The following DNAJC1 variants were observed in gnomAD, a reference collection of about 807,000 sequenced individuals.
The protein encoded by DNAJC1 is dnaJ homolog subfamily C member 1.
DNAJC1 carries 58 observed loss-of-function variants against 76.6 expected under a neutral mutation model. That is an observed-to-expected ratio of 0.76 (90% CI 0.61 to 0.94). DNAJC1 has a LOEUF of 0.94. DNAJC1 is among the 40% of genes least tolerant of loss of function. The pLI is 0.00. For synonymous variants in DNAJC1, 258 were observed against 267.9 expected, an observed-to-expected ratio of 0.96 and a Z score of 0.36; for missense variants, 689 against 677.3, an observed-to-expected ratio of 1.02 and a Z score of -0.19.
intron 8 of DNAJC1, among the ~76,000 whole-genome samples, chr10:21,828,210 C>G (rs569826466): frequency 2.0e-5 from 3 of 152,290 alleles, no homozygotes; most frequent in Non-Finnish European, 4.4e-5. Context: ...GATGGCTGAT[C>G]TAGGCTGGGG....
At chr10:21,791,933 T>C (rs1057324877) in intron 9 of DNAJC1, among the ~76,000 whole-genome samples, 2 of 152,112 alleles carry the variant, frequency 1.3e-5, no homozygotes. Flanking sequence ...AACAAAAAGT[T>C]GATTTTTTGA....
At chr10:21,920,047 G>A in intron 4 of DNAJC1, 118 bp from the exon 5 acceptor site, 1 of 604,450 alleles carries the variant, frequency 1.7e-6, no homozygotes, top group Non-Finnish European at 2.8e-6. Flanking sequence ...AATGTATGTA[G>A]GGTCCAACAT....
chr10:21,758,716 T>A (rs965628928), intron 11 of DNAJC1, among the ~76,000 whole-genome samples: 1 of 152,224 alleles, frequency 6.6e-6, no homozygotes, highest in Admixed American at 6.5e-5. Context: ...ATACCAGCTA[T>A]CCCTTTGGTC....
chr10:21,985,101 C>A (rs1197305472), intron 1 of DNAJC1, among the ~76,000 whole-genome samples: 2 of 152,118 alleles, frequency 1.3e-5, no homozygotes, highest in Non-Finnish European at 2.9e-5. Flanking sequence ...AAAATCCACC[C>A]ATTATAAGAG....
At position 22,003,373 on chromosome 10, in the gene DNAJC1, G is replaced by C. The variant is rs1444253061; in HGVS notation, c.62C>G (p.Pro21Arg). 3 of 1,388,218 alleles carry C rather than the reference G, an allele frequency of 2.2e-6. No individual in the cohort carries two copies. Among genetic ancestry groups the C allele is most frequent in the Admixed American group, 7.6e-5 (2 of 26,420 alleles). 86.0% of individuals were successfully genotyped at this position (1,388,218 alleles called of 1,614,324 possible). ...CGTCCGCGGCGGCGGCGGCGGGAAC[G>C]GCACCAGCCCGAGCTGGCGGCGTCC... ...LPGRRQLGLV[P>R]FPPPPPRTPL... Residue 21 changes from proline to arginine, a missense_variant, in exon 1 of 12, where the codon CCG becomes CGG. Coordinates refer to ENST00000376980, the MANE Select transcript of DNAJC1 (RefSeq NM_022365.4).
intron 1 of DNAJC1, among the ~76,000 whole-genome samples, chr10:22,000,861 T>C (rs916773830): frequency 6.6e-6 from 1 of 152,186 alleles, no homozygotes; most frequent in African/African-American, 2.4e-5. Context: ...TGCCTTAATC[T>C]TGGATTTCCC....
intron 1 of DNAJC1, among the ~76,000 whole-genome samples, chr10:21,966,506 T>C (rs1837891732): frequency 6.6e-6 from 1 of 151,916 alleles, no homozygotes; most frequent in Non-Finnish European, 1.5e-5. Flanking sequence ...AAGCTGTGCC[T>C]TCTCCCCTAC....
At chr10:21,851,348 C>A (rs1359229961) in intron 8 of DNAJC1, among the ~76,000 whole-genome samples, 1 of 151,918 alleles carries the variant, frequency 6.6e-6, no homozygotes. Flanking sequence ...AACAAATGGC[C>A]AAAAAACATG....
At position 21,919,926 on chromosome 10, in the gene DNAJC1, C is replaced by G. The variant is rs533121915; in HGVS notation, c.541G>C (p.Glu181Gln). The G allele has an allele frequency of 6.3e-7, 1 of 1,587,078 alleles. No individual in the cohort carries two copies. Among genetic ancestry groups the G allele is most frequent in the South Asian group, 1.1e-5 (1 of 88,794 alleles). ...WSIYLEKQLD[E>Q]LLSRKKREKK... ...TCTCTCTTTTTTCTACTTAGTAGTT[C>G]ATCCTTAATGTGGAAAGAATTATGG... Residue 181 changes from glutamate to glutamine, a missense_variant, in exon 5 of 12, where the codon GAA becomes CAA. By Grantham distance (29) the Glu-to-Gln change is conservative (BLOSUM62 2). Transcript: ENST00000376980.
intron 6 of DNAJC1, among the ~76,000 whole-genome samples, chr10:21,907,382 T>C (rs1013179627): frequency 6.6e-5 from 10 of 152,116 alleles, no homozygotes; most frequent in Non-Finnish European, 1.5e-4. Context: ...AAACATTACT[T>C]CCTTAACAAT....
chr10:21,963,799 T>TC (rs1360911574), intron 1 of DNAJC1, among the ~76,000 whole-genome samples: 7 of 152,252 alleles, frequency 4.6e-5, no homozygotes, highest in African/African-American at 1.7e-4. Context: ...TTTATTGATA[T>TC]ACATGAATTT....
chr10:21,917,622 C>G (rs1836977405), intron 6 of DNAJC1, among the ~76,000 whole-genome samples: 1 of 151,928 alleles, frequency 6.6e-6, no homozygotes, highest in Non-Finnish European at 1.5e-5. Context: ...GTCTTACAGA[C>G]AGCATACAAA....
intron 8 of DNAJC1, among the ~76,000 whole-genome samples, chr10:21,829,337 C>T (rs1221704363): frequency 6.6e-6 from 1 of 152,152 alleles, no homozygotes; most frequent in African/African-American, 2.4e-5. Context: ...CCTCAGCCTC[C>T]CGGGTAGGCG....
rs565628190 is a variant in DNAJC1, at chr10:21,802,084, C to T, written c.1098+3896G>A. ...ATCTGTACAACCAGCCCCTGTGACA[C>T]GAGTTTACCTGTATAACAAACCTGC... On this transcript the variant is annotated intron_variant, in intron 9 of 11. Transcript: ENST00000376980. Among the ~76,000 whole-genome samples, 8 of 152,076 alleles carry T rather than the reference C, an allele frequency of 5.3e-5. No individual in the cohort carries two copies. The South Asian group carries it at 8.3e-4, about 16-fold the overall frequency.
chr10:21,850,207 G>A (rs1373748241), intron 8 of DNAJC1, among the ~76,000 whole-genome samples: 1 of 152,230 alleles, frequency 6.6e-6, no homozygotes, highest in African/African-American at 2.4e-5. Flanking sequence ...CATCTGATAT[G>A]TAGAAAACTC....
chr10:21,965,345 A>AT (rs1837874830), intron 1 of DNAJC1, among the ~76,000 whole-genome samples: 2 of 152,156 alleles, frequency 1.3e-5, no homozygotes, highest in African/African-American at 4.8e-5. Context: ...CAGTTTCCAT[A>AT]TATCCTTACC....
intron 6 of DNAJC1, among the ~76,000 whole-genome samples, chr10:21,906,677 A>C (rs981318960): frequency 1.3e-5 from 2 of 152,196 alleles, no homozygotes; most frequent in Non-Finnish European, 2.9e-5. Flanking sequence ...ATCTGAATTA[A>C]GAACTCAGCT....
At chr10:21,832,886 T>A (rs949252036) in intron 8 of DNAJC1, among the ~76,000 whole-genome samples, 1 of 152,222 alleles carries the variant, frequency 6.6e-6, no homozygotes, top group Non-Finnish European at 1.5e-5. Context: ...TTTCTCTTTA[T>A]CATTTCAAGA....
chr10:21,818,183 A>C (rs1835104896), intron 8 of DNAJC1, among the ~76,000 whole-genome samples: 1 of 152,182 alleles, frequency 6.6e-6, no homozygotes, highest in Non-Finnish European at 1.5e-5. Context: ...CCTGAGAAAG[A>C]GAATGTGTCC....
Sources: gnomAD v4.1 joint callset for allele counts (sites outside exome capture counted in the v4.1 genomes callset) on GRCh38, gnomAD v4.1.1 for gene constraint, MANE v1.5 for transcripts, NCBI Gene and HGNC (gene_info 2026-07-23, HGNC 2026-07-21) for gene names.